The following LRRK2 variants were observed in gnomAD, a reference collection of about 807,000 sequenced individuals.
LRRK2 encodes leucine-rich repeat serine/threonine-protein kinase 2.
LRRK2 carries 203 observed loss-of-function variants against 302.6 expected under a neutral mutation model. That is an observed-to-expected ratio of 0.67 (90% CI 0.60 to 0.75). LRRK2 has a LOEUF of 0.75. LRRK2 is among the 30% of genes least tolerant of loss of function. The pLI is 0.00. For synonymous variants in LRRK2, 1,066 were observed against 1,031.9 expected (o/e 1.03, Z -0.63); for missense variants, 2,830 against 2,951.0 (o/e 0.96, Z 0.95).
intron 31 of LRRK2, among the ~76,000 whole-genome samples, chr12:40,311,396 C>G (rs764014358): frequency 1.1e-4 from 17 of 152,038 alleles, no homozygotes; most frequent in Admixed American, 2.6e-4. Flanking sequence ...CTGGGTACTA[C>G]AGGGAGTGTG....
intron 6 of LRRK2, among the ~76,000 whole-genome samples, chr12:40,240,867 G>A (rs1941689862): frequency 6.6e-6 from 1 of 152,136 alleles, no homozygotes; most frequent in Admixed American, 6.6e-5. Context: ...GTAGTACAAT[G>A]GGGGACACAG....
At chr12:40,364,200 A>G (rs1369790361) in intron 48 of LRRK2, among the ~76,000 whole-genome samples, 1 of 152,004 alleles carries the variant, frequency 6.6e-6, no homozygotes, top group Non-Finnish European at 1.5e-5. Flanking sequence ...ATTACACACT[A>G]TATCTGTAAA....
intron 28 of LRRK2, among the ~76,000 whole-genome samples, chr12:40,306,713 C>T (rs1347825433): frequency 6.6e-6 from 1 of 152,122 alleles, no homozygotes; most frequent in Non-Finnish European, 1.5e-5. Context: ...ATCTTGGCAC[C>T]CAACACAGTG....
At chr12:40,328,568 T>C (rs1245566722) in intron 39 of LRRK2, 108 bp downstream of exon 39, 2 of 794,754 alleles carry the variant, frequency 2.5e-6, no homozygotes, top group Non-Finnish European at 4.0e-6. Flanking sequence ...ACATTTCTAC[T>C]TAAGTTTAAT....
At chr12:40,291,131 G>T (rs1944131500) in intron 20 of LRRK2, among the ~76,000 whole-genome samples, 1 of 151,804 alleles carries the variant, frequency 6.6e-6, no homozygotes, top group Non-Finnish European at 1.5e-5. Flanking sequence ...CCTTTGTAGG[G>T]ACATGGATGA....
chr12:40,274,884 G>A lies in LRRK2; in HGVS notation c.1832G>A (p.Gly611Glu), dbSNP rs1943382971. The part of the protein sequence containing the change: ...EIQCLGLSLI[G>E]YLITKKNVFI... ...CAGTGTCTGGGTTTAAGTCTTATAG[G>A]ATACTTGATTACAAAGAAGAATGTG... The change falls in exon 16 of 51, where the codon GGA becomes GAA. Residue 611 changes from glycine to glutamate, a missense_variant. Coordinates refer to ENST00000298910, the MANE Select transcript of LRRK2 (RefSeq NM_198578.4). 1 of 1,612,422 alleles carries A rather than the reference G, an allele frequency of 6.2e-7. No homozygotes were observed. The highest frequency in any genetic ancestry group is 8.5e-7 in the Non-Finnish European group (1 of 1,178,678).
In LRRK2 at chr12:40,235,885, A is replaced by C. The variant is rs541732919; in HGVS notation, c.436+171A>C. ...CTGTTTTTAGACCTAGTGATGGGACAGCCATAATATAATCTAAATATCAGT... is the reference window on the plus strand; with the variant it reads ...CTGTTTTTAGACCTAGTGATGGGACCGCCATAATATAATCTAAATATCAGT... On this transcript the variant is annotated intron_variant, in intron 4 of 50. Transcript: ENST00000298910. 7.3e-5 allele frequency among the ~76,000 whole-genome samples: 11 copies of C among 150,632 alleles called. No homozygotes were observed. The South Asian group carries it at 2.1e-3, about 29-fold the overall frequency.
chr12:40,240,614 C>G lies in LRRK2; in HGVS notation c.703C>G (p.Pro235Ala). The change falls in exon 6 of 51, where the codon CCT becomes GCT. Residue 235 changes from proline (P) to alanine (A), a missense_variant. By Grantham distance (27) the Pro-to-Ala change is conservative. Transcript: ENST00000298910. ...VLHCLHSLAI[P>A]CNNVEVLMSG... The stretch of plus-strand genomic sequence containing the variant: ...GCATTGTTTACATTCCCTAGCGATT[C>G]CTTGTAAGTAGCATTTAAATGTTAT... 1 of 1,612,786 alleles carries G rather than the reference C, an allele frequency of 6.2e-7. No homozygotes were observed. Among genetic ancestry groups the G allele is most frequent in the South Asian group, 1.1e-5 (1 of 91,004 alleles).
chr12:40,299,268 T>G lies in LRRK2; in HGVS notation c.3496+11T>G. ...GAATGAATTTTCTTGGTAAGTGTTC[T>G]GTGTGGGTCTCCTCCTTACCAGGCC... On this transcript the variant is annotated intron_variant, in intron 25 of 50. Coordinates refer to ENST00000298910, the MANE Select transcript of LRRK2 (RefSeq NM_198578.4). 1 of 1,612,934 alleles carries G rather than the reference T, an allele frequency of 6.2e-7. No individual in the cohort carries two copies. Among genetic ancestry groups the G allele is most frequent in the Non-Finnish European group, 8.5e-7 (1 of 1,179,288 alleles).
Position 40,283,840 on chromosome 12 carries a change from G to A in LRRK2, c.2242-35G>A, listed in dbSNP as rs556692785. ...GTCTCCTAAAAGGAAGAAAAATGTA[G>A]ATTTTTAATATACTTAATTTTTTTT... On this transcript the variant is annotated intron_variant, in intron 18 of 50. Coordinates refer to ENST00000298910, the MANE Select transcript of LRRK2 (RefSeq NM_198578.4). 2.6e-6 allele frequency: 4 copies of A among 1,565,392 alleles called. No homozygotes were observed. In the East Asian group the frequency reaches 9.4e-5, roughly 37 times the overall value.
At chr12:40,302,147 C>A (rs2136769880) in intron 25 of LRRK2, among the ~76,000 whole-genome samples, 1 of 152,156 alleles carries the variant, frequency 6.6e-6, no homozygotes, top group South Asian at 2.1e-4. Flanking sequence ...TACTGCACTC[C>A]AGCCTGGGCA....
chr12:40,303,676 G>A (rs1453043178), intron 26 of LRRK2, among the ~76,000 whole-genome samples: 2 of 151,926 alleles, frequency 1.3e-5, no homozygotes, highest in Non-Finnish European at 2.9e-5. Flanking sequence ...ACTCTACAGC[G>A]GTTCATCTCT....
At chr12:40,249,991 A>C in intron 8 of LRRK2, 46 bp downstream of exon 8, 1 of 1,606,846 alleles carries the variant, frequency 6.2e-7, no homozygotes, top group Non-Finnish European at 8.5e-7. Flanking sequence ...GGCATTTGAC[A>C]TCAAATATGA....
At chr12:40,242,714 T>A (rs2136439354) in intron 6 of LRRK2, among the ~76,000 whole-genome samples, 1 of 142,410 alleles carries the variant, frequency 7.0e-6, no homozygotes, top group African/African-American at 2.6e-5. Flanking sequence ...TCCAATGGGG[T>A]TGAGCCTCGT....
At chr12:40,301,931 C>T (rs915483923) in intron 25 of LRRK2, among the ~76,000 whole-genome samples, 78 of 152,192 alleles carry the variant, frequency 5.1e-4, no homozygotes, top group Non-Finnish European at 2.1e-4. Flanking sequence ...GTAATCCCAG[C>T]ACTTTGGGAG....
rs1946826318 is a variant in LRRK2 at position 40,364,789 on chromosome 12, C to A, written c.7182-53C>A. The A allele has an allele frequency of 3.9e-6, 5 of 1,281,670 alleles. No individual in the cohort carries two copies. In the East Asian group the frequency reaches 1.2e-4, roughly 31 times the overall value. The allele number at this position is 1,281,670 out of a possible 1,614,324, so 79.4% of individuals were successfully genotyped here. ...TGTTTATGTTATCATATGTAAATAG[C>A]ATTTATCTCTTAATTGGTGGTAAAA... On this transcript the variant is annotated intron_variant, in intron 48 of 50. Transcript: ENST00000298910.
intron 20 of LRRK2, among the ~76,000 whole-genome samples, chr12:40,292,259 A>G (rs1944187264): frequency 6.6e-6 from 1 of 152,052 alleles, no homozygotes; most frequent in Admixed American, 6.6e-5. Flanking sequence ...CGGGTATTAC[A>G]TAGTCCTATG....
At chr12:40,260,481 A>G (rs768896264) in intron 13 of LRRK2, among the ~76,000 whole-genome samples, 4 of 151,482 alleles carry the variant, frequency 2.6e-5, no homozygotes, top group African/African-American at 7.3e-5. Context: ...GTCGGGGGTG[A>G]GTGAGGCATG....
chr12:40,271,828 C>A (rs574859323), intron 14 of LRRK2, among the ~76,000 whole-genome samples: 6 of 152,098 alleles, frequency 3.9e-5, no homozygotes, highest in Admixed American at 2.0e-4. Context: ...TCTCTTTTTG[C>A]ATAGACAAAT....
Sources: gnomAD v4.1 joint callset for allele counts (sites outside exome capture counted in the v4.1 genomes callset) on GRCh38, gnomAD v4.1.1 for gene constraint, MANE v1.5 for transcripts, NCBI Gene and HGNC (gene_info 2026-07-23, HGNC 2026-07-21) for gene names.